CSNK1G3: variants seen among roughly 807,000 people sequenced by gnomAD.
The protein encoded by CSNK1G3 is casein kinase I isoform gamma-3.
A neutral mutation model predicts 64.3 loss-of-function variants in CSNK1G3; 23 were observed. The ratio of observed to expected loss-of-function variants is 0.36; its 90% CI spans 0.26 to 0.51. CSNK1G3 has a LOEUF of 0.51. Ranked by LOEUF, CSNK1G3 falls within the 20% of genes least tolerant of loss-of-function variation. The pLI is 0.96. For missense variants in CSNK1G3, 357 were observed against 510.5 expected (o/e 0.70, Z 2.90); for synonymous variants, 158 against 162.2 (o/e 0.97, Z 0.20).
chr5:123,572,872 C>T (rs956338188), intron 4 of CSNK1G3, among the ~76,000 whole-genome samples: 1 of 152,136 alleles, frequency 6.6e-6, no homozygotes, highest in Non-Finnish European at 1.5e-5. Flanking sequence ...TTACATTTGC[C>T]GTATAAGTTA....
chr5:123,575,372 G>GT (rs1267610369), intron 5 of CSNK1G3, among the ~76,000 whole-genome samples: 1 of 152,138 alleles, frequency 6.6e-6, no homozygotes, highest in Non-Finnish European at 1.5e-5. Context: ...ATATTGCAAT[G>GT]TTTTGCATAT....
chr5:123,607,719 C>T (rs11241704), intron 12 of CSNK1G3, among the ~76,000 whole-genome samples: 35,620 of 151,910 alleles, frequency 0.23, 4,274 homozygotes, highest in Middle Eastern at 0.37. Flanking sequence ...AAGTTTATAA[C>T]GTGAAAAATA....
At chr5:123,552,592 G>A (rs886794542) in intron 2 of CSNK1G3, among the ~76,000 whole-genome samples, 1 of 152,146 alleles carries the variant, frequency 6.6e-6, no homozygotes, top group African/African-American at 2.4e-5. Context: ...AAAGTGGTTA[G>A]TTTATCACAG....
At chr5:123,606,112 A>G (rs1795319720) in intron 12 of CSNK1G3, among the ~76,000 whole-genome samples, 1 of 152,116 alleles carries the variant, frequency 6.6e-6, no homozygotes, top group African/African-American at 2.4e-5. Flanking sequence ...TTTCAAAATT[A>G]TGCTCATTTG....
intron 6 of CSNK1G3, among the ~76,000 whole-genome samples, chr5:123,587,581 TACAC>T (rs1260727341): frequency 2.0e-5 from 3 of 152,222 alleles, no homozygotes; most frequent in Non-Finnish European, 4.4e-5. Context: ...TAAAATATAT[TACAC>T]ACAATACTCC....
intron 3 of CSNK1G3, among the ~76,000 whole-genome samples, chr5:123,554,985 T>C (rs754452801): frequency 9.2e-5 from 14 of 152,238 alleles, no homozygotes; most frequent in Non-Finnish European, 1.9e-4. Context: ...ATTGATGCCT[T>C]ACTAAACGTT....
Position 123,553,098 on chromosome 5 carries a change from T to C in CSNK1G3, c.179-9T>C. On this transcript the variant is annotated splice_polypyrimidine_tract_variant and intron_variant, in intron 2 of 12. Coordinates refer to ENST00000345990, the Ensembl canonical transcript of CSNK1G3. ...ACTGGCAGAATCTGATTTTTTTTTC[T>C]TTTTCAAGGGAAAAATTTATACACA... 7.3e-7 allele frequency: 1 copy of C among 1,372,334 alleles called. No individual in the cohort carries two copies. 85.0% of individuals were successfully genotyped at this position (1,372,334 alleles called of 1,614,324 possible).
chr5:123,581,112 G>A (rs1790155733), intron 6 of CSNK1G3, among the ~76,000 whole-genome samples: 1 of 151,584 alleles, frequency 6.6e-6, no homozygotes. Flanking sequence ...TTAAAAACAT[G>A]TATTTACATT....
At chr5:123,553,081 A>C (rs757552162) in intron 2 of CSNK1G3, 26 bp from the exon 3 acceptor site, 1 of 1,276,630 alleles carries the variant, frequency 7.8e-7, no homozygotes, top group Non-Finnish European at 1.1e-6. Flanking sequence ...TTACTGGCAG[A>C]ATCTGATTTT....
At chr5:123,573,436 C>T (rs1561547826) in exon 5 of CSNK1G3, 5 of 1,613,956 alleles carry the variant, frequency 3.1e-6, no homozygotes, top group Non-Finnish European at 4.2e-6. Flanking sequence ...GTGGTAAATA[C>T]AATGCTATGG....
chr5:123,591,287 A>T (rs781232179), intron 9 of CSNK1G3, 32 bp from the exon 10 acceptor site: 2 of 1,310,352 alleles, frequency 1.5e-6, no homozygotes, highest in East Asian at 5.1e-5. Flanking sequence ...TTAAAATGGA[A>T]TGTATTGATA....
At chr5:123,573,070 C>T (rs555639830) in intron 4 of CSNK1G3, among the ~76,000 whole-genome samples, 1 of 152,142 alleles carries the variant, frequency 6.6e-6, no homozygotes, top group African/African-American at 2.4e-5. Flanking sequence ...ATGTGCTAAG[C>T]CTTTCTCCAG....
At chr5:123,542,761 C>G (rs770706877) in intron 1 of CSNK1G3, among the ~76,000 whole-genome samples, 1 of 151,266 alleles carries the variant, frequency 6.6e-6, no homozygotes, top group Non-Finnish European at 1.5e-5. Flanking sequence ...GAAGTTAGTT[C>G]TGCTGTATGT....
At chr5:123,589,536 G>T (rs1581317190) in intron 8 of CSNK1G3, among the ~76,000 whole-genome samples, 1 of 152,070 alleles carries the variant, frequency 6.6e-6, no homozygotes, top group African/African-American at 2.4e-5. Flanking sequence ...CACTTTTGTT[G>T]CCTCATTGTG....
At chr5:123,512,743 A>C (rs575686102) in intron 1 of CSNK1G3, among the ~76,000 whole-genome samples, 173 bp downstream of exon 1, 1,617 of 148,694 alleles carry the variant, frequency 0.011, 31 homozygotes, top group African/African-American at 0.038. Flanking sequence ...GGCGAGGACC[A>C]TGGCGGGTGG....
At chr5:123,592,205 A>T (rs779785599) in intron 10 of CSNK1G3, among the ~76,000 whole-genome samples, 2 of 152,098 alleles carry the variant, frequency 1.3e-5, no homozygotes, top group Non-Finnish European at 2.9e-5. Context: ...GGAAATGAAG[A>T]TAAGGGCATT....
intron 10 of CSNK1G3, among the ~76,000 whole-genome samples, chr5:123,599,559 A>T (rs1405232457): frequency 6.6e-6 from 1 of 152,242 alleles, no homozygotes; most frequent in Non-Finnish European, 1.5e-5. Context: ...GTCTAGAGGA[A>T]TAGTAGATAC....
chr5:123,602,830 T>TAATG (rs1794724285), intron 10 of CSNK1G3, among the ~76,000 whole-genome samples: 1 of 152,170 alleles, frequency 6.6e-6, no homozygotes, highest in South Asian at 2.1e-4. Context: ...AACATAGTGA[T>TAATG]AATGATGGCC....
intron 10 of CSNK1G3, among the ~76,000 whole-genome samples, chr5:123,602,129 G>C (rs368231551): frequency 4.6e-5 from 7 of 152,102 alleles, no homozygotes; most frequent in African/African-American, 1.7e-4. Context: ...AAAAGGAGAG[G>C]CATGCTTAGA....
Sources: gnomAD v4.1 joint callset for allele counts (sites outside exome capture counted in the v4.1 genomes callset) on GRCh38, gnomAD v4.1.1 for gene constraint, MANE v1.5 for transcripts, NCBI Gene and HGNC (gene_info 2026-07-23, HGNC 2026-07-21) for gene names.